The following STOM variants were observed in gnomAD, a reference collection of about 807,000 sequenced individuals.
STOM encodes erythrocyte band 7 integral membrane protein.
Under a neutral mutation model 30.6 loss-of-function variants are expected in STOM, and 25 were observed. The observed-to-expected ratio is 0.82, with a 90% CI of 0.60 to 1.14. STOM has a LOEUF of 1.14. Ranked by LOEUF, STOM falls within the 50% of genes most tolerant of loss-of-function variation. The pLI, the probability that STOM is intolerant of heterozygous loss-of-function variation, is 0.00. For missense variants in STOM, 292 were observed against 365.2 expected, an observed-to-expected ratio of 0.80 and a Z score of 1.63; for synonymous variants, 118 against 130.8, an observed-to-expected ratio of 0.90 and a Z score of 0.67.
intron 4 of STOM, among the ~76,000 whole-genome samples, chr9:121,349,688 T>C (rs1337209676): frequency 6.6e-6 from 1 of 152,012 alleles, no homozygotes; most frequent in Non-Finnish European, 1.5e-5. Flanking sequence ...AGGAATACAA[T>C]TTTTCTGAGG....
intron 2 of STOM, among the ~76,000 whole-genome samples, chr9:121,355,128 G>A (rs1414100351): frequency 6.6e-6 from 1 of 151,004 alleles, no homozygotes; most frequent in Non-Finnish European, 1.5e-5. Flanking sequence ...GTATGGTGGT[G>A]GGTGCCTATA....
At position 121,370,231 on chromosome 9, in the gene STOM, C is replaced by T. The variant is rs1246288102; in HGVS notation, c.-44G>A. On this transcript the variant is annotated 5_prime_UTR_variant, in exon 1 of 7. Transcript: ENST00000286713. ...GCACTCCCCCGTCCTCGTTGCCAAACCCGGAGCCGCCGGGAATGCCCTGAG... is the reference window on the plus strand; with the variant it reads ...GCACTCCCCCGTCCTCGTTGCCAAATCCGGAGCCGCCGGGAATGCCCTGAG... 4 of 1,531,312 alleles carry T rather than the reference C, an allele frequency of 2.6e-6. No individual in the cohort carries two copies. Among genetic ancestry groups the T allele is most frequent in the Non-Finnish European group, 3.5e-6 (4 of 1,135,822 alleles). 94.9% of individuals were successfully genotyped at this position (1,531,312 alleles called of 1,614,324 possible). A position where few individuals can be genotyped will look rare whatever the true frequency, so the allele number is the denominator to read the frequency against.
At chr9:121,347,925 G>GA in intron 6 of STOM, 90 bp downstream of exon 6, 1 of 1,448,746 alleles carries the variant, frequency 6.9e-7, no homozygotes, top group South Asian at 1.4e-5. Context: ...ATTATTTCAA[G>GA]TTTTTACAGC....
chr9:121,349,025 C>A, intron 5 of STOM, 95 bp downstream of exon 5: 1 of 1,410,480 alleles, frequency 7.1e-7, no homozygotes, highest in Non-Finnish European at 9.6e-7. Context: ...CACAGACCCC[C>A]ACAACTTGAA....
At chr9:121,369,567 G>GA (rs1358663714) in intron 1 of STOM, among the ~76,000 whole-genome samples, 1 of 152,036 alleles carries the variant, frequency 6.6e-6, no homozygotes, top group Non-Finnish European at 1.5e-5. Context: ...AGCGGAGGGG[G>GA]AAAAATGGGG....
intron 6 of STOM, among the ~76,000 whole-genome samples, chr9:121,343,892 T>A (rs2064267212): frequency 6.6e-6 from 1 of 152,136 alleles, no homozygotes; most frequent in Admixed American, 6.5e-5. Flanking sequence ...GAGAAGGCAG[T>A]GAAAGCTGCT....
intron 5 of STOM, 116 bp downstream of exon 5, chr9:121,349,004 A>G (rs961886120): frequency 3.7e-5 from 46 of 1,253,430 alleles, no homozygotes; most frequent in Non-Finnish European, 4.9e-5. Context: ...CTATGAAGAA[A>G]AAAAAACGGT....
At chr9:121,354,987 C>CGGTG (rs2064371601) in intron 2 of STOM, among the ~76,000 whole-genome samples, 2 of 152,052 alleles carry the variant, frequency 1.3e-5, no homozygotes, top group South Asian at 4.1e-4. Context: ...AGGCCAGGCA[C>CGGTG]GGTGGCTCAC....
intron 4 of STOM, among the ~76,000 whole-genome samples, chr9:121,351,275 C>T (rs778789821): frequency 2.6e-5 from 4 of 152,186 alleles, no homozygotes; most frequent in Non-Finnish European, 5.9e-5. Context: ...CTTCCTTAGA[C>T]GATGGGAAAA....
chr9:121,350,128 C>G (rs952093721), intron 4 of STOM, among the ~76,000 whole-genome samples: 1 of 152,204 alleles, frequency 6.6e-6, no homozygotes, highest in African/African-American at 2.4e-5. Flanking sequence ...AAAACACTGA[C>G]TTGATTAACT....
rs896100751 is a variant in STOM at position 121,340,856 on chromosome 9, G to A, written c.*346C>T. 1.3e-5 allele frequency: 14 copies of A among 1,118,974 alleles called. No individual in the cohort carries two copies. The highest frequency in any genetic ancestry group is 7.5e-5 in the South Asian group (3 of 40,134). The allele number at this position is 1,118,974 out of a possible 1,614,324, so 69.3% of individuals were successfully genotyped here. ...TCTGCAAAGCATTTAGCCAGTCAGC[G>A]GTGTCAGGTGGCAGTTACAGCCCAG... On this transcript the variant is annotated 3_prime_UTR_variant, in exon 7 of 7. Coordinates refer to ENST00000286713, the MANE Select transcript of STOM (RefSeq NM_004099.6).
chr9:121,360,281 T>C (rs2064437688), intron 1 of STOM, among the ~76,000 whole-genome samples: 1 of 152,200 alleles, frequency 6.6e-6, no homozygotes, highest in South Asian at 2.1e-4. Flanking sequence ...TCTTGTCTAA[T>C]CTTTTATTTT....
chr9:121,363,914 CT>C (rs1478372996), intron 1 of STOM, among the ~76,000 whole-genome samples: 2 of 152,142 alleles, frequency 1.3e-5, no homozygotes, highest in African/African-American at 4.8e-5. Flanking sequence ...TAAACAAAAA[CT>C]CCTGGTGAAA....
At chr9:121,342,836 G>A (rs1376710526) in intron 6 of STOM, among the ~76,000 whole-genome samples, 2 of 152,176 alleles carry the variant, frequency 1.3e-5, no homozygotes, top group African/African-American at 4.8e-5. Flanking sequence ...TCTGTAAGGG[G>A]TTTCACAGGC....
chr9:121,348,064 T>G lies in STOM; in HGVS notation c.611A>C (p.Gln204Pro), dbSNP rs1233329034. 1 of 1,614,244 alleles carries G rather than the reference T, an allele frequency of 6.2e-7. No homozygotes were observed. Among genetic ancestry groups the G allele is most frequent in the South Asian group, 1.1e-5 (1 of 91,088 alleles). The change falls in exon 6 of 7, where the codon CAG (glutamine) becomes CCG (proline). Residue 204 changes from glutamine (Q) to proline (P), a missense_variant. By Grantham distance (76) the Gln-to-Pro change is moderately conservative (BLOSUM62 -1). Coordinates refer to ENST00000286713, the MANE Select transcript of STOM (RefSeq NM_004099.6). ...IKDVKLPVQL[Q>P]RAMAAEAEAS... Reference sequence around the variant, plus strand: ...TTCTGCTTCTGCAGCCATAGCTCTCTGGAGCTGCACAGGTAGTTTCACATC... The same window carrying G: ...TTCTGCTTCTGCAGCCATAGCTCTCGGGAGCTGCACAGGTAGTTTCACATC...
intron 1 of STOM, among the ~76,000 whole-genome samples, chr9:121,367,283 G>A (rs143225257): frequency 2.0e-5 from 3 of 152,206 alleles, no homozygotes; most frequent in African/African-American, 4.8e-5. Context: ...AATTCCATCT[G>A]TATCACTTTA....
chr9:121,359,576 A>G (rs1366445629), intron 1 of STOM, among the ~76,000 whole-genome samples: 9 of 152,166 alleles, frequency 5.9e-5, no homozygotes, highest in Admixed American at 3.3e-4. Context: ...GGGGTTGTGT[A>G]TACCCCAGGC....
intron 4 of STOM, among the ~76,000 whole-genome samples, 166 bp from the exon 5 acceptor site, chr9:121,349,489 G>T (rs2064319851): frequency 6.6e-6 from 1 of 152,084 alleles, no homozygotes; most frequent in Non-Finnish European, 1.5e-5. Context: ...AATTATTCAA[G>T]TCCATTAATT....
chr9:121,367,003 C>A (rs2064510604), intron 1 of STOM, among the ~76,000 whole-genome samples: 1 of 151,818 alleles, frequency 6.6e-6, no homozygotes, highest in Non-Finnish European at 1.5e-5. Flanking sequence ...GGGAGGATCA[C>A]TTGAGGCTAC....
Sources: allele counts gnomAD v4.1 joint callset (sites outside exome capture counted in the v4.1 genomes callset), GRCh38; gene constraint gnomAD v4.1.1; transcripts MANE v1.5; gene names NCBI Gene and HGNC (gene_info 2026-07-23, HGNC 2026-07-21).